MYO9A: variants seen among roughly 807,000 people sequenced by gnomAD.
MYO9A encodes myosin IXA, also known as unconventional myosin-IXa.
Under a neutral mutation model 293.3 loss-of-function variants are expected in MYO9A, and 103 were observed. That is an observed-to-expected ratio of 0.35 (90% confidence interval 0.30 to 0.41). The LOEUF (loss-of-function observed/expected upper bound fraction) is 0.41, where lower values mean the gene tolerates loss of function less well. Ranked by LOEUF, MYO9A falls within the 10% of genes least tolerant of loss-of-function variation. The probability of loss-of-function intolerance (pLI) is 1.00; values close to 1 mark genes in which losing one functional copy is unlikely to be tolerated. For synonymous variants in MYO9A, 1,001 were observed against 1,035.7 expected (o/e 0.97, Z 0.64); for missense variants, 2,685 against 3,033.0 (o/e 0.89, Z 2.69).
chr15:72,014,108 T>C (rs190795060), intron 6 of MYO9A, among the ~76,000 whole-genome samples: 7 of 152,292 alleles, frequency 4.6e-5, no homozygotes, highest in Middle Eastern at 3.4e-3. Context: ...TCCAGTTCCA[T>C]ATTATATTTG....
At chr15:72,030,508 A>G (rs1289001926) in intron 3 of MYO9A, among the ~76,000 whole-genome samples, 1 of 151,982 alleles carries the variant, frequency 6.6e-6, no homozygotes, top group Non-Finnish European at 1.5e-5. Flanking sequence ...TACTATATCT[A>G]TATCTATATA....
chr15:71,842,974 T>TA (rs200797444), intron 39 of MYO9A, among the ~76,000 whole-genome samples: 5 of 151,630 alleles, frequency 3.3e-5, no homozygotes, highest in South Asian at 2.1e-4. Context: ...CTCTTTTAGT[T>TA]AAAAAAAAGA....
At chr15:72,097,959 AAAAG>A (rs1409896652) in intron 1 of MYO9A, among the ~76,000 whole-genome samples, 7 of 152,234 alleles carry the variant, frequency 4.6e-5, no homozygotes, top group Non-Finnish European at 8.8e-5. Flanking sequence ...AAGAAACAGA[AAAAG>A]AAAGACCACT....
chr15:71,830,426 G>A, intron 39 of MYO9A, 115 bp from the exon 40 acceptor site: 1 of 971,756 alleles, frequency 1.0e-6, no homozygotes, highest in Non-Finnish European at 1.6e-6. Flanking sequence ...AAGAATAAAT[G>A]GAAACACTCT....
intron 19 of MYO9A, among the ~76,000 whole-genome samples, chr15:71,905,651 G>A (rs1370881599): frequency 1.3e-5 from 2 of 151,364 alleles, no homozygotes; most frequent in Non-Finnish European, 2.9e-5. Flanking sequence ...GCCAGGCGTG[G>A]TGGTGCCCGG....
At chr15:71,916,021 AG>A (rs1284555198) in intron 19 of MYO9A, among the ~76,000 whole-genome samples, 5 of 152,164 alleles carry the variant, frequency 3.3e-5, no homozygotes, top group African/African-American at 4.8e-5. Flanking sequence ...TAGCAGCATG[AG>A]GTTTAAGCAG....
chr15:71,917,306 G>A (rs2058035756), intron 18 of MYO9A, among the ~76,000 whole-genome samples: 1 of 152,170 alleles, frequency 6.6e-6, no homozygotes, highest in Non-Finnish European at 1.5e-5. Context: ...GGAGACTGAG[G>A]TGGGCGGGTC....
rs749662812 is a variant in MYO9A at position 71,916,523 on chromosome 15, A to G, written c.2563-31T>C. 8.8e-6 allele frequency: 14 copies of G among 1,586,178 alleles called. No individual in the cohort carries two copies. In the Admixed American group the frequency reaches 2.5e-4, roughly 28 times the overall value. On this transcript the variant is annotated intron_variant, in intron 18 of 41. Transcript: ENST00000356056. Reference sequence around the variant, plus strand: ...AGAAGAGAAAAAATAAATTGCTCACATAAATTAATCTAACAATAAGCCAAA... The same window carrying G: ...AGAAGAGAAAAAATAAATTGCTCACGTAAATTAATCTAACAATAAGCCAAA...
chr15:71,896,649 G>A (rs887100071), intron 25 of MYO9A, among the ~76,000 whole-genome samples: 4 of 151,832 alleles, frequency 2.6e-5, no homozygotes, highest in East Asian at 1.9e-4. Flanking sequence ...GCATGGTGGC[G>A]TGCACCTATA....
chr15:72,050,867 A>G (rs1042417689), intron 1 of MYO9A, among the ~76,000 whole-genome samples: 2 of 152,154 alleles, frequency 1.3e-5, no homozygotes, highest in Admixed American at 1.3e-4. Flanking sequence ...GGTAATCCAA[A>G]GGTCTTTCCT....
At chr15:72,081,753 T>C (rs1310505094) in intron 1 of MYO9A, among the ~76,000 whole-genome samples, 2 of 152,164 alleles carry the variant, frequency 1.3e-5, no homozygotes, top group Non-Finnish European at 2.9e-5. Flanking sequence ...TCAATCTTCT[T>C]CATACAGCTA....
At chr15:71,956,860 A>AAAT (rs2059213904) in intron 14 of MYO9A, among the ~76,000 whole-genome samples, 23 of 140,330 alleles carry the variant, frequency 1.6e-4, no homozygotes, top group African/African-American at 5.9e-4. Flanking sequence ...CACACACACA[A>AAAT]ATATATATAT....
intron 15 of MYO9A, among the ~76,000 whole-genome samples, chr15:71,947,283 GAA>G (rs33945561): frequency 1.6e-5 from 2 of 127,880 alleles, no homozygotes; most frequent in Admixed American, 8.1e-5. Flanking sequence ...TCCATCTCAG[GAA>G]AAAAAAAAAA....
rs1351138952 is a variant in MYO9A, at chr15:72,118,125, G to C, written c.-517C>G. 1 of 380,850 alleles carries C rather than the reference G, an allele frequency of 2.6e-6. No individual in the cohort carries two copies. Among genetic ancestry groups the C allele is most frequent in the Admixed American group, 4.6e-5 (1 of 21,916 alleles). The allele number at this position is 380,850 out of a possible 1,614,324, so 23.6% of individuals were successfully genotyped here. A position where few individuals can be genotyped will look rare whatever the true frequency, so the allele number is the denominator to read the frequency against. On this transcript the variant is annotated 5_prime_UTR_variant, in exon 1 of 42. Transcript: ENST00000356056. ...GCGGCCCCGCCCCGCGCGACTCCCC[G>C]GCTGCAGGCGAGCAGGCGCGCGCGC...
In MYO9A at chr15:72,046,568, G is replaced by C. The variant is rs1211494949; in HGVS notation, c.-5C>G. 6.3e-7 allele frequency: 1 copy of C among 1,580,722 alleles called. No individual in the cohort carries two copies. The highest frequency in any genetic ancestry group is 1.2e-5 in the South Asian group (1 of 86,084). ...TCCTCCATCATTTATATTCATATTG[G>C]ATCCTGTCCCATCAGCATGGATAGT... On this transcript the variant is annotated 5_prime_UTR_variant, in exon 2 of 42. It adds an upstream start codon to the 5' untranslated region. Coordinates refer to ENST00000356056, the MANE Select transcript of MYO9A (RefSeq NM_006901.4).
intron 12 of MYO9A, among the ~76,000 whole-genome samples, chr15:71,971,603 G>GAAAAAAAAA (rs10709554): frequency 5.6e-5 from 8 of 141,598 alleles, no homozygotes; most frequent in Non-Finnish European, 7.6e-5. Context: ...GAAAAAAAAA[G>GAAAAAAAAA]AAAAAAAAAA....
chr15:71,960,478 C>A (rs1207167679), intron 13 of MYO9A: 9 of 200,078 alleles, frequency 4.5e-5, no homozygotes, highest in Non-Finnish European at 9.2e-5. Flanking sequence ...TATCAGTGCT[C>A]TGCTTCCTGT....
intron 2 of MYO9A, among the ~76,000 whole-genome samples, chr15:72,040,575 C>T (rs1264722522): frequency 6.6e-6 from 1 of 152,160 alleles, no homozygotes; most frequent in Non-Finnish European, 1.5e-5. Flanking sequence ...CTAATCTTTC[C>T]TGGTCGTGTG....
chr15:72,064,399 G>A (rs1005577286), intron 1 of MYO9A, among the ~76,000 whole-genome samples: 1 of 152,140 alleles, frequency 6.6e-6, no homozygotes, highest in South Asian at 2.1e-4. Context: ...ATTATACACC[G>A]TATGCTTGTC....
Sources: gnomAD v4.1 joint callset for allele counts (sites outside exome capture counted in the v4.1 genomes callset) on GRCh38, gnomAD v4.1.1 for gene constraint, MANE v1.5 for transcripts, NCBI Gene and HGNC (gene_info 2026-07-23, HGNC 2026-07-21) for gene names.